The following TNXB variants were observed in gnomAD, a reference collection of about 807,000 sequenced individuals.
TNXB encodes the protein tenascin-X.
A neutral mutation model predicts 340.5 loss-of-function variants in TNXB; 183 were observed. That is an observed-to-expected ratio of 0.54 (90% CI 0.48 to 0.61). The LOEUF is 0.61. TNXB is among the 20% of genes least tolerant of loss of function. The pLI is 0.00. For missense variants in TNXB, 4,613 were observed against 5,446.4 expected, an observed-to-expected ratio of 0.85 and a Z score of 4.82; for synonymous variants, 2,121 against 2,314.5, an observed-to-expected ratio of 0.92 and a Z score of 2.40.
chr6:32,076,258 C>T (rs1265951197), intron 11 of TNXB, among the ~76,000 whole-genome samples: 2 of 152,154 alleles, frequency 1.3e-5, no homozygotes, highest in African/African-American at 4.8e-5. Flanking sequence ...CGATTCATGA[C>T]TCTGGCAGTC....
At position 32,073,617 on chromosome 6, in the gene TNXB, A is replaced by G; in HGVS notation, c.4681+30T>C. 1 of 1,584,964 alleles carries G rather than the reference A, an allele frequency of 6.3e-7. No individual in the cohort carries two copies. Among genetic ancestry groups the G allele is most frequent in the Non-Finnish European group, 8.6e-7 (1 of 1,162,814 alleles). The stretch of plus-strand genomic sequence containing the variant: ...GGGTGGGGGAGCTCTGGGTAACCAG[A>G]GATGAGGACTGAGTCCCCCCATTAC... On this transcript the variant is annotated intron_variant, in intron 12 of 43. Transcript: ENST00000644971. This position sits in a 1 kb window ranked among gnomAD's most constrained non-coding sequence, Gnocchi z 4.6.
chr6:32,099,959 A>AC (rs1411649755), intron 1 of TNXB, among the ~76,000 whole-genome samples: 1 of 151,370 alleles, frequency 6.6e-6, no homozygotes, highest in Non-Finnish European at 1.5e-5. Flanking sequence ...AAAAAAAAAA[A>AC]AAAAAAAAAA....
chr6:32,099,151 G>A (rs1180287296), intron 1 of TNXB, among the ~76,000 whole-genome samples: 1 of 151,890 alleles, frequency 6.6e-6, no homozygotes, highest in Non-Finnish European at 1.5e-5. Context: ...GAGTACCTAG[G>A]GCCAATCCTT....
At chr6:32,086,664 C>T (rs1002300485) in intron 6 of TNXB, among the ~76,000 whole-genome samples, 1 of 152,204 alleles carries the variant, frequency 6.6e-6, no homozygotes, top group African/African-American at 2.4e-5. Context: ...GCCCAGACAT[C>T]GTTCCTGTGG....
In TNXB at chr6:32,062,628, T is replaced by C. The variant is rs1466073554; in HGVS notation, c.6842-145A>G. Reference sequence around the variant, plus strand: ...GAATATCATTTTTCTGCTTTGAATGTTCAGTTAACACCACACCTGTGGTGA... The same window carrying C: ...GAATATCATTTTTCTGCTTTGAATGCTCAGTTAACACCACACCTGTGGTGA... On this transcript the variant is annotated intron_variant, in intron 19 of 43. Transcript: ENST00000644971. The surrounding 1 kb of genome is among the most constrained non-coding windows in gnomAD (Gnocchi z 4.3). 6.1e-6 allele frequency: 5 copies of C among 824,470 alleles called. No homozygotes were observed. Among genetic ancestry groups the C allele is most frequent in the Non-Finnish European group, 7.4e-6 (4 of 543,736 alleles). 51.1% of individuals were successfully genotyped at this position (824,470 alleles called of 1,614,324 possible).
At chr6:32,065,516 A>C (rs1239049920) in intron 18 of TNXB, among the ~76,000 whole-genome samples, 1 of 152,212 alleles carries the variant, frequency 6.6e-6, no homozygotes, top group African/African-American at 2.4e-5. Context: ...GGGAAACAAC[A>C]ATTATGAGAC....
chr6:32,048,940 T>C (rs957944783), intron 28 of TNXB, among the ~76,000 whole-genome samples: 1 of 152,222 alleles, frequency 6.6e-6, no homozygotes, highest in African/African-American at 2.4e-5. Context: ...CGAAGGCACA[T>C]GCAGATCTGG....
chr6:32,067,965 G>C lies in TNXB; in HGVS notation c.6240C>G (p.Pro2080=). The C allele has an allele frequency of 6.2e-7, 1 of 1,611,794 alleles. No individual in the cohort carries two copies. The highest frequency in any genetic ancestry group is 2.2e-5 in the East Asian group (1 of 44,850). The part of the protein sequence containing the change: ...VGVTAAEEET[P]SPTEPSMEAP... ...CCTCCATGCTGGGTTCTGTGGGGCT[G>C]GGGGTCTCTTCCTCTGCAGCTGAGA... The change falls in exon 18 of 44, where the codon CCC becomes CCG. Residue 2080 remains proline (P), a synonymous_variant. Transcript: ENST00000644971. This position sits in a 1 kb window ranked among gnomAD's most constrained non-coding sequence, Gnocchi z 4.2.
Position 32,095,923 on chromosome 6 carries a change from C to A in TNXB, c.1930G>T (p.Gly644Cys). 1 of 1,612,790 alleles carries A rather than the reference C, an allele frequency of 6.2e-7. No individual in the cohort carries two copies. Among genetic ancestry groups the A allele is most frequent in the South Asian group, 1.1e-5 (1 of 91,016 alleles). ...CACATGCGGGTGGCACAGGTAGGGC[C>A]GGTGTAGCCTGGGTCGCACAGGCAG... The part of the protein sequence containing the change: ...GRCLCDPGYT[G>C]PTCATRMCPA... Residue 644 changes from glycine to cysteine, a missense_variant, in exon 3 of 44, where the codon GGC (glycine) becomes TGC (cysteine). Physicochemically the swap from Gly to Cys is radical, Grantham distance 159. Transcript: ENST00000644971.
chr6:32,068,248 C>T lies in TNXB; in HGVS notation c.6220+142G>A. 1 of 1,311,500 alleles carries T rather than the reference C, an allele frequency of 7.6e-7. No homozygotes were observed. Among genetic ancestry groups the T allele is most frequent in the Non-Finnish European group, 1.0e-6 (1 of 963,174 alleles). The allele number at this position is 1,311,500 out of a possible 1,614,324, so 81.2% of individuals were successfully genotyped here. A position where few individuals can be genotyped will look rare whatever the true frequency, so the allele number is the denominator to read the frequency against. On this transcript the variant is annotated intron_variant, in intron 17 of 43. Coordinates refer to ENST00000644971, the MANE Select transcript of TNXB (RefSeq NM_001365276.2). This position sits in a 1 kb window ranked among gnomAD's most constrained non-coding sequence, Gnocchi z 5.3. Reference sequence around the variant, plus strand: ...GCCAGTGGTCAACCTCACAGGAAGGCCCAAGGGGAGCCCCAGCCCCAGCCA... The same window carrying T: ...GCCAGTGGTCAACCTCACAGGAAGGTCCAAGGGGAGCCCCAGCCCCAGCCA...
At chr6:32,106,174 G>T (rs1780970129) in intron 1 of TNXB, among the ~76,000 whole-genome samples, 1 of 151,592 alleles carries the variant, frequency 6.6e-6, no homozygotes, top group Non-Finnish European at 1.5e-5. Context: ...CTTGTTTCTT[G>T]ATCTGGATGA....
At chr6:32,095,290 A>G in intron 3 of TNXB, 99 bp from the exon 4 acceptor site, 1 of 899,540 alleles carries the variant, frequency 1.1e-6, no homozygotes, top group Non-Finnish European at 1.8e-6. Context: ...GCCCATCCTA[A>G]CTCCCACTCC....
rs1778231820 is a variant in TNXB at position 32,064,807 on chromosome 6, T to TAC, written c.6841+12_6841+13dup. 2 of 1,607,288 alleles carry TAC rather than the reference T, an allele frequency of 1.2e-6. No individual in the cohort carries two copies. The highest frequency in any genetic ancestry group is 2.1e-4 in the Middle Eastern group (1 of 4,678). ...TAGTTCAGGGCAGGGCCCAGTGCCC[T>TAC]ACTGCACACTCACCAGTTAAACCAA... On this transcript the variant is annotated intron_variant, in intron 19 of 43. Coordinates refer to ENST00000644971, the MANE Select transcript of TNXB (RefSeq NM_001365276.2). This position sits in a 1 kb window ranked among gnomAD's most constrained non-coding sequence, Gnocchi z 5.3.
rs776678463 is a variant in TNXB at position 32,069,778 on chromosome 6, T to C, written c.5362A>G (p.Thr1788Ala). 1.2e-6 allele frequency: 2 copies of C among 1,610,836 alleles called. No individual in the cohort carries two copies. The highest frequency in any genetic ancestry group is 1.7e-6 in the Non-Finnish European group (2 of 1,178,642). Residue 1788 changes from threonine (T) to alanine (A), a missense_variant, in exon 15 of 44, where the codon ACC (threonine) becomes GCC (alanine). Physicochemically the swap from Thr to Ala is moderately conservative, Grantham distance 58. Transcript: ENST00000644971. The surrounding 1 kb of genome is among the most constrained non-coding windows in gnomAD (Gnocchi z 6.2). ...CAGGAGAGGCCCACGGAGTTCTGGG[T>C]CACGGTGGTCACCTGCAGCTCCTCC... ...LGEELQVTTV[T>A]QNSVGLSWTV... is the part of the protein sequence containing the mutation.
Position 32,062,256 on chromosome 6 carries a change from T to C in TNXB, c.7069A>G (p.Thr2357Ala), listed in dbSNP as rs1778069005. ...TTGTCTGGCTCCAGGCCGGAGATGG[T>C]GACCCTGTCCTCATGTCCTGGCACC... ...TRVPGHEDRVTISGLEPDNKY... is the reference protein window; with the variant it reads ...TRVPGHEDRVAISGLEPDNKY... The change falls in exon 20 of 44, where the codon ACC (threonine) becomes GCC (alanine). Residue 2357 changes from threonine to alanine, a missense_variant. Thr to Ala is a moderately conservative substitution (Grantham distance 58, BLOSUM62 0). Transcript: ENST00000644971. This position sits in a 1 kb window ranked among gnomAD's most constrained non-coding sequence, Gnocchi z 4.3. 6.2e-7 allele frequency: 1 copy of C among 1,613,318 alleles called. No homozygotes were observed.
Position 32,042,805 on chromosome 6 carries a change from T to C in TNXB, c.11952A>G (p.Thr3984=), listed in dbSNP as rs1454966346. 6.9e-6 allele frequency: 4 copies of C among 577,994 alleles called. No homozygotes were observed. Among genetic ancestry groups the C allele is most frequent in the Non-Finnish European group, 8.9e-6 (3 of 337,756 alleles). The allele number at this position is 577,994 out of a possible 1,614,324, so 35.8% of individuals were successfully genotyped here. ...GAAAGAGGCCAAGGAGCTGGTGAGATGTGATCCCTCCTGGGAGCAGGATCT... is the reference window on the plus strand; with the variant it reads ...GAAAGAGGCCAAGGAGCTGGTGAGACGTGATCCCTCCTGGGAGCAGGATCT... The part of the protein sequence containing the change: ...NQEILLPGGI[T]SHQLLGLFPS... Residue 3984 remains threonine, a synonymous_variant, in exon 39 of 44, where the codon ACA becomes ACG. Coordinates refer to ENST00000644971, the MANE Select transcript of TNXB (RefSeq NM_001365276.2).
Position 32,108,578 on chromosome 6 carries a change from T to C in TNXB, c.-9+603A>G, listed in dbSNP as rs11963256. Among the ~76,000 whole-genome samples, 288 of 152,246 alleles carry C rather than the reference T, an allele frequency of 1.9e-3. 3 individuals carry two copies. Among genetic ancestry groups the C allele is most frequent in the African/African-American group, 6.6e-3 (274 of 41,528 alleles). ...CTGTGCACGTCCCAGACCCGAGTCC[T>C]GACTGTCCCATTTCAGTATTTCCTA... On this transcript the variant is annotated intron_variant, in intron 1 of 43. Coordinates refer to ENST00000644971, the MANE Select transcript of TNXB (RefSeq NM_001365276.2). The surrounding 1 kb of genome is among the most constrained non-coding windows in gnomAD (Gnocchi z 4.8).
Position 32,051,011 on chromosome 6 carries a change from C to T in TNXB, c.9116-690G>A, listed in dbSNP as rs1398846427. Among the ~76,000 whole-genome samples the T allele has an allele frequency of 1.3e-5, 2 of 152,216 alleles. No individual in the cohort carries two copies. Among genetic ancestry groups the T allele is most frequent in the East Asian group, 3.8e-4 (2 of 5,200 alleles). On this transcript the variant is annotated intron_variant, in intron 26 of 43. Coordinates refer to ENST00000644971, the MANE Select transcript of TNXB (RefSeq NM_001365276.2). This position sits in a 1 kb window ranked among gnomAD's most constrained non-coding sequence, Gnocchi z 4.7. ...TGGGAGACCCCAGGCCTCCTCTGCT[C>T]CCACACTTCAGGACTATCTATTCAC...
intron 24 of TNXB, 86 bp downstream of exon 24, chr6:32,055,765 C>T (rs1166074121): frequency 5.2e-6 from 8 of 1,525,758 alleles, no homozygotes; most frequent in Non-Finnish European, 6.2e-6. Context: ...AAAAGAAGCC[C>T]GGCTGGTGAG....
Sources: gnomAD v4.1 joint callset for allele counts (sites outside exome capture counted in the v4.1 genomes callset) on GRCh38, gnomAD v4.1.1 for gene constraint, Gnocchi (gnomAD v3.1) non-coding constraint, MANE v1.5 for transcripts, NCBI Gene and HGNC (gene_info 2026-07-23, HGNC 2026-07-21) for gene names.